The following CCDC73 variants were observed in gnomAD, a reference collection of about 807,000 sequenced individuals.
CCDC73 encodes the protein coiled-coil domain containing 73, also known as coiled-coil domain-containing protein 73.
CCDC73 carries 95 observed loss-of-function variants against 116.5 expected under a neutral mutation model. That is an observed-to-expected ratio of 0.82 (90% confidence interval 0.69 to 0.97). CCDC73 has a LOEUF of 0.97. Ranked by LOEUF, CCDC73 falls within the 50% of genes least tolerant of loss-of-function variation. The probability of loss-of-function intolerance (pLI) is 0.00; values close to 1 mark genes in which losing one functional copy is unlikely to be tolerated. For missense variants in CCDC73, 1,066 were observed against 1,206.8 expected, an observed-to-expected ratio of 0.88 and a Z score of 1.73; for synonymous variants, 398 against 401.3, an observed-to-expected ratio of 0.99 and a Z score of 0.10.
intron 2 of CCDC73, among the ~76,000 whole-genome samples, chr11:32,748,165 C>A (rs1050517827): frequency 3.9e-5 from 6 of 151,986 alleles, no homozygotes; most frequent in Admixed American, 2.0e-4. Context: ...TATCTCTCAT[C>A]ATTTTGTTAT....
At chr11:32,823,319 C>A in the CCDC73 span, among the ~76,000 whole-genome samples, 1 of 151,926 alleles carries the variant, frequency 6.6e-6, no homozygotes, top group African/African-American at 2.4e-5. Context: ...ACTAAAAATA[C>A]AAAAATTAGC....
chr11:32,695,107 G>A (rs1377179824), intron 6 of CCDC73, among the ~76,000 whole-genome samples: 4 of 152,130 alleles, frequency 2.6e-5, no homozygotes, highest in East Asian at 1.9e-4. Context: ...GGTGGCTCAC[G>A]CCTGTAATCC....
At chr11:32,650,388 T>C (rs1004158133) in intron 12 of CCDC73, among the ~76,000 whole-genome samples, 6 of 152,182 alleles carry the variant, frequency 3.9e-5, no homozygotes, top group Non-Finnish European at 8.8e-5. Context: ...GATTAGATGA[T>C]CTTTAATATT....
In CCDC73 at chr11:32,753,149, G is replaced by T. The variant is rs189028299; in HGVS notation, c.135+6960C>A. ...TTAACTTTATGATGGCTATTATCCCGTAAGAGCTAAGAATCTAGTCATCAT... is the reference window on the plus strand; with the variant it reads ...TTAACTTTATGATGGCTATTATCCCTTAAGAGCTAAGAATCTAGTCATCAT... On this transcript the variant is annotated intron_variant, in intron 2 of 17. Coordinates refer to ENST00000335185, the MANE Select transcript of CCDC73 (RefSeq NM_001008391.4). Among the ~76,000 whole-genome samples, 750 of 152,114 alleles carry T rather than the reference G, an allele frequency of 4.9e-3. 3 individuals are homozygous for T. The highest frequency in any genetic ancestry group is 0.017 in the African/African-American group (713 of 41,476).
chr11:32,790,358 T>A (rs1222364990), intron 1 of CCDC73, among the ~76,000 whole-genome samples: 1 of 152,222 alleles, frequency 6.6e-6, no homozygotes, highest in East Asian at 1.9e-4. Flanking sequence ...TGGTTAGCAC[T>A]TTATTCTGTA....
At chr11:32,768,310 C>T (rs1850461781) in intron 1 of CCDC73, among the ~76,000 whole-genome samples, 1 of 151,936 alleles carries the variant, frequency 6.6e-6, no homozygotes. Context: ...CATCACACAC[C>T]AGGGCCTGTC....
intron 16 of CCDC73, among the ~76,000 whole-genome samples, chr11:32,612,953 A>G (rs1257306883): frequency 6.6e-6 from 1 of 152,204 alleles, no homozygotes; most frequent in East Asian, 1.9e-4. Flanking sequence ...ATCTGAATGC[A>G]TGAATATATG....
rs115779208 is a variant in CCDC73 at position 32,769,940 on chromosome 11, T to G, written c.-15-9682A>C. Among the ~76,000 whole-genome samples, 539 of 152,286 alleles carry G rather than the reference T, an allele frequency of 3.5e-3. 6 individuals carry two copies. Among genetic ancestry groups the G allele is most frequent in the African/African-American group, 0.013 (520 of 41,566 alleles). On this transcript the variant is annotated intron_variant, in intron 1 of 17. Coordinates refer to ENST00000335185, the MANE Select transcript of CCDC73 (RefSeq NM_001008391.4). ...ACCTCCCAAAGCCAGTGGCATATAT[T>G]TTAGATTTGTATTATGGTATCCTTT...
chr11:32,755,583 A>ATGTGTGTATATATATATCCATATATATG (rs1850328366), intron 2 of CCDC73, among the ~76,000 whole-genome samples: 2 of 102,250 alleles, frequency 2.0e-5, no homozygotes, highest in Non-Finnish European at 3.9e-5. Context: ...ATCCATATAT[A>ATGTGTGTATATATATATCCATATATATG]TGTGTGTATA....
intron 5 of CCDC73, among the ~76,000 whole-genome samples, chr11:32,699,951 C>G (rs918374879): frequency 1.2e-4 from 18 of 150,076 alleles, no homozygotes; most frequent in Non-Finnish European, 1.9e-4. Context: ...CAGGCTTTAA[C>G]CTTCCATCTG....
chr11:32,776,375 C>G (rs574316522), intron 1 of CCDC73, among the ~76,000 whole-genome samples: 2 of 152,140 alleles, frequency 1.3e-5, no homozygotes, highest in Non-Finnish European at 2.9e-5. Context: ...TTTTTGTATA[C>G]AAATCAAGCC....
chr11:32,603,063 A>C, intron 17 of CCDC73, 43 bp from the exon 18 acceptor site: 1 of 1,460,624 alleles, frequency 6.8e-7, no homozygotes, highest in Non-Finnish European at 9.4e-7. Flanking sequence ...TTATTATACA[A>C]AAGATTTTAA....
intron 2 of CCDC73, among the ~76,000 whole-genome samples, chr11:32,726,407 A>G (rs1293764006): frequency 2.0e-5 from 3 of 152,202 alleles, no homozygotes; most frequent in Non-Finnish European, 2.9e-5. Context: ...AATAAATCAA[A>G]TTAAGAACTC....
At chr11:32,792,823 A>T (rs1335863988) in intron 1 of CCDC73, among the ~76,000 whole-genome samples, 1 of 152,192 alleles carries the variant, frequency 6.6e-6, no homozygotes, top group Non-Finnish European at 1.5e-5. Context: ...TTGCATTGTT[A>T]TTTAATCTCT....
At chr11:32,712,547 T>C (rs925453820) in intron 3 of CCDC73, among the ~76,000 whole-genome samples, 1 of 141,554 alleles carries the variant, frequency 7.1e-6, no homozygotes, top group Non-Finnish European at 1.5e-5. Context: ...ACAATATTTA[T>C]TTTTCAATTA....
At chr11:32,618,416 A>C (rs1763192528) in intron 14 of CCDC73, among the ~76,000 whole-genome samples, 1 of 152,144 alleles carries the variant, frequency 6.6e-6, no homozygotes, top group African/African-American at 2.4e-5. Context: ...TGCTGGGTCA[A>C]ATTGTAGTTC....
At chr11:32,680,479 C>T (rs1404953615) in intron 7 of CCDC73, 1 of 151,984 alleles carries the variant, frequency 6.6e-6, no homozygotes, top group African/African-American at 2.4e-5. Context: ...TCATTTTAAA[C>T]AAATCTAATC....
At chr11:32,617,191 T>A (rs1855481820) in intron 14 of CCDC73, among the ~76,000 whole-genome samples, 1 of 151,160 alleles carries the variant, frequency 6.6e-6, no homozygotes, top group Non-Finnish European at 1.5e-5. Flanking sequence ...TGTTAAGGAG[T>A]TTCAACTCTA....
intron 17 of CCDC73, among the ~76,000 whole-genome samples, chr11:32,608,723 T>C (rs1164231308): frequency 6.6e-6 from 1 of 152,218 alleles, no homozygotes; most frequent in East Asian, 1.9e-4. Context: ...AGGTTCTCCA[T>C]GAGAGTCCCG....
Sources: gnomAD v4.1 joint callset for allele counts (sites outside exome capture counted in the v4.1 genomes callset) on GRCh38, gnomAD v4.1.1 for gene constraint, MANE v1.5 for transcripts, NCBI Gene and HGNC (gene_info 2026-07-23, HGNC 2026-07-21) for gene names.